Variants in TASP1 observed in about 807,000 individuals in gnomAD.
TASP1 encodes threonine aspartase 1.
TASP1 carries 16 observed loss-of-function variants against 56.6 expected under a neutral mutation model. The observed-to-expected ratio is 0.28, with a 90% CI of 0.19 to 0.43. TASP1 has a LOEUF of 0.43. TASP1 is among the 20% of genes least tolerant of loss of function. TASP1 has a pLI of 1.00. For missense variants in TASP1, 393 were observed against 511.6 expected, an observed-to-expected ratio of 0.77 and a Z score of 2.24; for synonymous variants, 179 against 184.2, an observed-to-expected ratio of 0.97 and a Z score of 0.23.
At chr20:13,245,630 C>T in the TASP1 span, among the ~76,000 whole-genome samples, 1 of 152,206 alleles carries the variant, frequency 6.6e-6, no homozygotes, top group East Asian at 1.9e-4. Flanking sequence ...AGTTCCCCTG[C>T]ACACTCTAGT....
intron 1 of TASP1, among the ~76,000 whole-genome samples, chr20:13,633,389 A>G (rs1316832389): frequency 6.6e-6 from 1 of 152,184 alleles, no homozygotes; most frequent in Admixed American, 6.5e-5. Context: ...CCCCCTTGAA[A>G]CTTTCGAATT....
intron 4 of TASP1, among the ~76,000 whole-genome samples, chr20:13,595,929 C>T (rs906117193): frequency 7.2e-5 from 11 of 152,190 alleles, no homozygotes; most frequent in Admixed American, 2.6e-4. Context: ...ATACATTCTT[C>T]CCAGCACCAC....
intron 11 of TASP1, among the ~76,000 whole-genome samples, chr20:13,436,976 T>C (rs1211964310): frequency 6.6e-6 from 1 of 152,150 alleles, no homozygotes; most frequent in Non-Finnish European, 1.5e-5. Flanking sequence ...TAGGCCTCTG[T>C]TTTAGGAAAG....
chr20:13,463,258 G>A (rs979151053), intron 11 of TASP1, among the ~76,000 whole-genome samples: 2 of 152,086 alleles, frequency 1.3e-5, no homozygotes, highest in Non-Finnish European at 2.9e-5. Flanking sequence ...AAGACCATTC[G>A]ATGGGGAAAG....
the TASP1 span, chr20:13,160,220 G>A: frequency 1.3e-5 from 19 of 1,452,106 alleles, no homozygotes; most frequent in Non-Finnish European, 1.7e-5. Flanking sequence ...GGGGTTCTCT[G>A]GGTTTCTCTT....
intron 8 of TASP1, among the ~76,000 whole-genome samples, chr20:13,535,505 T>C (rs2045384332): frequency 6.6e-6 from 1 of 152,190 alleles, no homozygotes; most frequent in African/African-American, 2.4e-5. Context: ...AAATGAATGC[T>C]ATATTCCTAA....
At chr20:13,535,674 G>C (rs1311375362) in intron 8 of TASP1, among the ~76,000 whole-genome samples, 1 of 152,140 alleles carries the variant, frequency 6.6e-6, no homozygotes, top group Non-Finnish European at 1.5e-5. Context: ...CACACTGAAT[G>C]CAACAGACAC....
the TASP1 span, among the ~76,000 whole-genome samples, chr20:13,322,213 C>G: frequency 6.6e-6 from 1 of 152,150 alleles, no homozygotes; most frequent in African/African-American, 2.4e-5. Context: ...TTTTTAGGTC[C>G]AAGCATTTCT....
At chr20:13,274,846 GGAAGAAAATGCGCAAAATA>G in the TASP1 span, among the ~76,000 whole-genome samples, 1 of 152,130 alleles carries the variant, frequency 6.6e-6, no homozygotes, top group Non-Finnish European at 1.5e-5. Flanking sequence ...AGTGAGGAGG[GGAAGAAAATGCGCAAAATA>G]GAACAAAAAT....
At chr20:13,371,234 A>G in the TASP1 span, among the ~76,000 whole-genome samples, 11 of 151,432 alleles carry the variant, frequency 7.3e-5, no homozygotes, top group Non-Finnish European at 1.6e-4. Context: ...TTCTTTCTCC[A>G]TTGTCTTAAG....
chr20:13,257,080 C>T, the TASP1 span, among the ~76,000 whole-genome samples: 2 of 152,110 alleles, frequency 1.3e-5, no homozygotes, highest in Non-Finnish European at 2.9e-5. Flanking sequence ...CAGATGCTAC[C>T]CATTTTACTG....
At chr20:13,581,405 C>T (rs1163487227) in intron 5 of TASP1, among the ~76,000 whole-genome samples, 3 of 152,064 alleles carry the variant, frequency 2.0e-5, no homozygotes, top group Non-Finnish European at 4.4e-5. Context: ...AAAGAGTAAA[C>T]ATGATTATAA....
chr20:13,539,351 A>G (rs2045534258), intron 8 of TASP1, among the ~76,000 whole-genome samples: 1 of 152,152 alleles, frequency 6.6e-6, no homozygotes, highest in Non-Finnish European at 1.5e-5. Context: ...ATAAAAATCT[A>G]AACAGAGTGG....
chr20:13,533,045 A>T (rs553529753), intron 9 of TASP1, among the ~76,000 whole-genome samples: 1 of 152,308 alleles, frequency 6.6e-6, no homozygotes, highest in East Asian at 1.9e-4. Flanking sequence ...TAGGAATGTA[A>T]GCAGCTTAGA....
downstream of TASP1, among the ~76,000 whole-genome samples, chr20:13,388,992 G>A (rs377012051): frequency 2.6e-5 from 4 of 152,092 alleles, no homozygotes; most frequent in African/African-American, 9.6e-5. Context: ...CCCTGAGCAA[G>A]TCTATCTTTA....
chr20:13,459,625 C>G (rs1332991030), intron 11 of TASP1, among the ~76,000 whole-genome samples: 1 of 152,106 alleles, frequency 6.6e-6, no homozygotes, highest in Non-Finnish European at 1.5e-5. Flanking sequence ...TAGGCAAGTA[C>G]TGACCTATAC....
chr20:13,168,795 G>C, the TASP1 span: 1 of 152,080 alleles, frequency 6.6e-6, no homozygotes, highest in African/African-American at 2.4e-5. Context: ...AATGTTTCCT[G>C]GTCTCAAAAC....
chr20:13,518,940 T>C (rs922104456), intron 10 of TASP1, among the ~76,000 whole-genome samples: 1 of 152,052 alleles, frequency 6.6e-6, no homozygotes, highest in Non-Finnish European at 1.5e-5. Context: ...TGCCCATCAG[T>C]GGTGAATTAA....
intron 10 of TASP1, among the ~76,000 whole-genome samples, chr20:13,523,692 A>G (rs2044859479): frequency 6.6e-6 from 1 of 152,026 alleles, no homozygotes; most frequent in Non-Finnish European, 1.5e-5. Context: ...CCTGACCACA[A>G]CCCTCTCCGT....
Sources: gnomAD v4.1 joint callset for allele counts (sites outside exome capture counted in the v4.1 genomes callset) on GRCh38, gnomAD v4.1.1 for gene constraint, MANE v1.5 for transcripts, NCBI Gene and HGNC (gene_info 2026-07-23, HGNC 2026-07-21) for gene names.